The following LEF1 variants were observed in gnomAD, a reference collection of about 807,000 sequenced individuals.
LEF1 encodes the protein lymphoid enhancer-binding factor 1.
Under a neutral mutation model 51.2 loss-of-function variants are expected in LEF1, and 14 were observed. The ratio of observed to expected loss-of-function variants is 0.27; its 90% confidence interval spans 0.18 to 0.43. The LOEUF is 0.43. Ranked by LOEUF, LEF1 falls within the 20% of genes least tolerant of loss-of-function variation. LEF1 has a pLI of 1.00. For synonymous variants in LEF1, 185 were observed against 183.2 expected (o/e 1.01, Z -0.08); for missense variants, 386 against 512.0 (o/e 0.75, Z 2.37).
chr4:108,120,964 A>G (rs1742141346), intron 3 of LEF1, among the ~76,000 whole-genome samples: 1 of 152,236 alleles, frequency 6.6e-6, no homozygotes, highest in African/African-American at 2.4e-5. Context: ...ACCAAGTCTG[A>G]AGAGCCACAG....
At chr4:108,136,159 A>G (rs1474093759) in intron 3 of LEF1, among the ~76,000 whole-genome samples, 2 of 152,250 alleles carry the variant, frequency 1.3e-5, no homozygotes, top group African/African-American at 4.8e-5. Context: ...TTAAATGTAA[A>G]ATAACTTTCA....
chr4:108,159,249 G>T (rs1560831538), intron 3 of LEF1, among the ~76,000 whole-genome samples: 1 of 152,104 alleles, frequency 6.6e-6, no homozygotes, highest in South Asian at 2.1e-4. Context: ...CATGAAGGAG[G>T]GATCAAACAG....
chr4:108,122,270 T>A (rs1396998998), intron 3 of LEF1, among the ~76,000 whole-genome samples: 1 of 152,186 alleles, frequency 6.6e-6, no homozygotes, highest in Non-Finnish European at 1.5e-5. Context: ...GATCTTAAAG[T>A]TACATTATTA....
At chr4:108,077,473 C>T (rs13142548) in intron 8 of LEF1, among the ~76,000 whole-genome samples, 4 of 108,178 alleles carry the variant, frequency 3.7e-5, no homozygotes, top group African/African-American at 6.1e-5. Context: ...AAGTGAGGGG[C>T]GCCTCTGCCC....
intron 11 of LEF1, among the ~76,000 whole-genome samples, chr4:108,057,761 C>T (rs1172555161): frequency 6.6e-6 from 1 of 152,134 alleles, no homozygotes; most frequent in Non-Finnish European, 1.5e-5. Flanking sequence ...TGAACATTAA[C>T]TACTATATTG....
chr4:108,131,917 T>C (rs1439059254), intron 3 of LEF1, among the ~76,000 whole-genome samples: 1 of 152,218 alleles, frequency 6.6e-6, no homozygotes, highest in African/African-American at 2.4e-5. Flanking sequence ...GGTTATTTCT[T>C]TCTAGTGCAA....
At chr4:108,102,270 AT>A (rs1410177299) in intron 3 of LEF1, among the ~76,000 whole-genome samples, 1 of 152,196 alleles carries the variant, frequency 6.6e-6, no homozygotes, top group Non-Finnish European at 1.5e-5. Flanking sequence ...GCATTCTGTC[AT>A]TACATTACTT....
At chr4:108,056,845 G>A (rs1326454650) in intron 11 of LEF1, among the ~76,000 whole-genome samples, 1 of 148,106 alleles carries the variant, frequency 6.8e-6, no homozygotes. Flanking sequence ...GCTTCCACAG[G>A]ACCTCACCAC....
intron 3 of LEF1, among the ~76,000 whole-genome samples, chr4:108,149,384 G>A (rs1447664432): frequency 4.4e-4 from 63 of 143,046 alleles, no homozygotes; most frequent in African/African-American, 8.2e-4. Context: ...GCGTGAACCC[G>A]GGAGGCGGAG....
intron 3 of LEF1, among the ~76,000 whole-genome samples, chr4:108,124,067 G>C (rs759558980): frequency 1.2e-4 from 19 of 152,272 alleles, no homozygotes; most frequent in Non-Finnish European, 2.6e-4. Context: ...AGGATAGCTT[G>C]AGCCCAGGAG....
intron 3 of LEF1, among the ~76,000 whole-genome samples, chr4:108,138,001 G>A (rs186409150): frequency 6.6e-6 from 1 of 152,010 alleles, no homozygotes; most frequent in South Asian, 2.1e-4. Flanking sequence ...TGAAACCTAA[G>A]AGGTTAACAA....
At chr4:108,100,089 C>A (rs367648354) in intron 3 of LEF1, among the ~76,000 whole-genome samples, 27 of 152,056 alleles carry the variant, frequency 1.8e-4, no homozygotes, top group African/African-American at 6.0e-4. Context: ...ACACTATTCA[C>A]AGGATATATT....
chr4:108,092,118 T>C (rs1740064967), intron 3 of LEF1, among the ~76,000 whole-genome samples: 1 of 152,204 alleles, frequency 6.6e-6, no homozygotes, highest in Non-Finnish European at 1.5e-5. Context: ...CCATGAATTT[T>C]TGCTAAATTA....
chr4:108,057,592 G>A (rs959142934), intron 11 of LEF1, among the ~76,000 whole-genome samples: 1 of 152,130 alleles, frequency 6.6e-6, no homozygotes, highest in African/African-American at 2.4e-5. Context: ...TCTCACTGGT[G>A]CTTCTATTCC....
intron 1 of LEF1, chr4:108,166,530 G>A: frequency 7.7e-7 from 1 of 1,298,666 alleles, no homozygotes; most frequent in Non-Finnish European, 9.8e-7. Flanking sequence ...GTGGAGTGTC[G>A]GGTATCAGGG....
chr4:108,062,973 A>C (rs1737797944), intron 11 of LEF1, among the ~76,000 whole-genome samples: 1 of 152,218 alleles, frequency 6.6e-6, no homozygotes, highest in African/African-American at 2.4e-5. Flanking sequence ...TGTGGAAATA[A>C]ATAAAAAATT....
At chr4:108,148,129 G>A (rs530077706) in intron 3 of LEF1, among the ~76,000 whole-genome samples, 2 of 152,278 alleles carry the variant, frequency 1.3e-5, no homozygotes, top group South Asian at 2.1e-4. Context: ...GAGGGTCTAA[G>A]TCCTGGCCTC....
At position 108,099,532 on chromosome 4, in the gene LEF1, A is replaced by G. The variant is rs201683358; in HGVS notation, c.415-10275T>C. 4.4e-4 allele frequency among the ~76,000 whole-genome samples: 39 copies of G among 88,648 alleles called. 2 individuals are homozygous for G. Among genetic ancestry groups the G allele is most frequent in the South Asian group, 1.2e-3 (3 of 2,482 alleles). The allele number at this position is 88,648 out of a possible 152,430, so 58.2% of individuals were successfully genotyped here. A position where few individuals can be genotyped will look rare whatever the true frequency, so the allele number is the denominator to read the frequency against. On this transcript the variant is annotated intron_variant, in intron 3 of 11. Coordinates refer to ENST00000265165, the MANE Select transcript of LEF1 (RefSeq NM_016269.5). ...TATATGTGTATGTATATATATATAT[A>G]TATGTGTATATGTGTGTGTGTGTAT...
At chr4:108,106,739 T>C (rs1410071912) in intron 3 of LEF1, among the ~76,000 whole-genome samples, 1 of 152,106 alleles carries the variant, frequency 6.6e-6, no homozygotes, top group Non-Finnish European at 1.5e-5. Flanking sequence ...CAAAGATCAG[T>C]GGGAGAAATA....
Sources: gnomAD v4.1 joint callset for allele counts (sites outside exome capture counted in the v4.1 genomes callset) on GRCh38, gnomAD v4.1.1 for gene constraint, MANE v1.5 for transcripts, NCBI Gene and HGNC (gene_info 2026-07-23, HGNC 2026-07-21) for gene names.